The following DOCK1 variants were observed in gnomAD, a reference collection of about 807,000 sequenced individuals.
DOCK1 encodes the protein dedicator of cytokinesis 1.
In DOCK1, 138 loss-of-function variants were observed where a neutral mutation model predicts 262.7. The ratio of observed to expected loss-of-function variants is 0.53; its 90% CI spans 0.46 to 0.61. The LOEUF (loss-of-function observed/expected upper bound fraction) is 0.61. Ranked by LOEUF, DOCK1 falls within the 20% of genes least tolerant of loss-of-function variation. DOCK1 has a pLI of 0.00. For missense variants in DOCK1, 1,908 were observed against 2,370.7 expected, an observed-to-expected ratio of 0.80 and a Z score of 4.05; for synonymous variants, 866 against 867.4, an observed-to-expected ratio of 1.00 and a Z score of 0.03.
chr10:127,127,442 A>G (rs940874870), intron 26 of DOCK1, among the ~76,000 whole-genome samples: 6 of 152,230 alleles, frequency 3.9e-5, no homozygotes, highest in Admixed American at 3.9e-4. Context: ...CTTAAATTAA[A>G]TTACTATGAT....
In DOCK1 at chr10:126,953,259, ATGG is replaced by A. The variant is rs1202314379; in HGVS notation, c.47-17432_47-17430del. Among the ~76,000 whole-genome samples the A allele has an allele frequency of 6.1e-3, 896 of 146,624 alleles. 10 individuals are homozygous for A. Among genetic ancestry groups the A allele is most frequent in the African/African-American group, 0.019 (761 of 39,278 alleles). ...AGTGTTGGTAGTGGTGGTATTGGTG[ATGG>A]TGGTGGTGGTAGTGTTGTGGTGTGG... On this transcript the variant is annotated intron_variant, in intron 1 of 51. Transcript: ENST00000623213.
chr10:127,243,078 G>A (rs969734974), intron 27 of DOCK1, among the ~76,000 whole-genome samples: 15 of 152,128 alleles, frequency 9.9e-5, no homozygotes, highest in Non-Finnish European at 2.1e-4. Context: ...GAGCTCCAGG[G>A]TCGATTGAGA....
At chr10:127,017,019 TATGCA>T (rs1293607428) in intron 12 of DOCK1, among the ~76,000 whole-genome samples, 3 of 45,640 alleles carry the variant, frequency 6.6e-5, no homozygotes, top group Non-Finnish European at 4.2e-5. Context: ...TAAACACAGA[TATGCA>T]GATACAGATA....
intron 19 of DOCK1, among the ~76,000 whole-genome samples, chr10:127,038,976 C>T (rs2043841158): frequency 6.6e-6 from 1 of 152,138 alleles, no homozygotes; most frequent in African/African-American, 2.4e-5. Context: ...GACTCTCCAG[C>T]AAGGTCTGTG....
intron 48 of DOCK1, among the ~76,000 whole-genome samples, chr10:127,434,631 CT>C (rs1289228351): frequency 5.3e-5 from 8 of 152,028 alleles, no homozygotes; most frequent in Admixed American, 2.0e-4. Context: ...CCCCCCACCC[CT>C]GACACCCTGA....
chr10:127,176,484 G>C lies in DOCK1; in HGVS notation c.2847+48720G>C. 3 of 1,104,310 alleles carry C rather than the reference G, an allele frequency of 2.7e-6. No homozygotes were observed. Among genetic ancestry groups the C allele is most frequent in the Non-Finnish European group, 3.9e-6 (3 of 772,308 alleles). 68.4% of individuals were successfully genotyped at this position (1,104,310 alleles called of 1,614,324 possible). On this transcript the variant is annotated intron_variant, in intron 27 of 51. Coordinates refer to ENST00000623213, the MANE Select transcript of DOCK1 (RefSeq NM_001290223.2). This position sits in a 1 kb window ranked among gnomAD's most constrained non-coding sequence, Gnocchi z 4.4. ...GGCCGCACAAACTTTTAGCCACCAC[G>C]ACGACTGCCTGTTTCCTAATTATAT...
At chr10:126,955,463 T>C (rs2036654916) in intron 1 of DOCK1, among the ~76,000 whole-genome samples, 1 of 152,198 alleles carries the variant, frequency 6.6e-6, no homozygotes, top group Admixed American at 6.5e-5. Flanking sequence ...TCATTTTGCC[T>C]TGGGCCGTGA....
At chr10:127,308,069 A>G (rs1271273746) in intron 29 of DOCK1, among the ~76,000 whole-genome samples, 2 of 152,208 alleles carry the variant, frequency 1.3e-5, no homozygotes, top group Admixed American at 6.5e-5. Context: ...TGTTTCTGGC[A>G]GCACCATTGG....
intron 1 of DOCK1, among the ~76,000 whole-genome samples, chr10:126,921,193 C>CT (rs1379916755): frequency 7.1e-5 from 8 of 112,726 alleles, no homozygotes; most frequent in African/African-American, 2.4e-4. Context: ...GAGTAAGACT[C>CT]TATCTCAAAA....
chr10:127,055,728 C>G (rs1261688189), intron 22 of DOCK1, among the ~76,000 whole-genome samples: 1 of 152,220 alleles, frequency 6.6e-6, no homozygotes, highest in Non-Finnish European at 1.5e-5. Context: ...GAGTCAATCT[C>G]TGAGACTTCT....
At chr10:127,441,632 G>T (rs1001926669) in intron 49 of DOCK1, among the ~76,000 whole-genome samples, 1 of 152,090 alleles carries the variant, frequency 6.6e-6, no homozygotes, top group African/African-American at 2.4e-5. Context: ...GGGGAGGTGC[G>T]GGGGAGGAGG....
In DOCK1 at chr10:127,000,738, T is replaced by C. The variant is rs1004253312; in HGVS notation, c.985+431T>C. 20 of 161,548 alleles carry C rather than the reference T, an allele frequency of 1.2e-4. No homozygotes were observed. The Admixed American group carries it at 1.3e-3, about 10-fold the overall frequency. The allele number at this position is 161,548 out of a possible 1,614,324, so 10.0% of individuals were successfully genotyped here. ...TCATGTTGGTGCTCTTCATCCGCCA[T>C]GTTGGTGCTGTTTCTCCGCCATGTT... On this transcript the variant is annotated intron_variant, in intron 10 of 51. Transcript: ENST00000623213.
intron 27 of DOCK1, among the ~76,000 whole-genome samples, chr10:127,145,746 C>A (rs373147232): frequency 1.3e-5 from 2 of 152,194 alleles, no homozygotes; most frequent in Non-Finnish European, 2.9e-5. Flanking sequence ...GCCCGGAACC[C>A]TGGTTTCTAG....
Position 126,995,345 on chromosome 10 carries a change from G to A in DOCK1, c.474-1403G>A, listed in dbSNP as rs551230334. Reference sequence around the variant, plus strand: ...GATCATGCCACTGCACTCCAGCCTGGGCAACACTGAGCACTGGGTGAGCAA... The same window carrying A: ...GATCATGCCACTGCACTCCAGCCTGAGCAACACTGAGCACTGGGTGAGCAA... On this transcript the variant is annotated intron_variant, in intron 6 of 51. Coordinates refer to ENST00000623213, the MANE Select transcript of DOCK1 (RefSeq NM_001290223.2). The surrounding 1 kb of genome is among the most constrained non-coding windows in gnomAD (Gnocchi z 5.8). 1.3e-5 allele frequency among the ~76,000 whole-genome samples: 2 copies of A among 152,292 alleles called. No individual in the cohort carries two copies. Among genetic ancestry groups the A allele is most frequent in the East Asian group, 1.9e-4 (1 of 5,168 alleles).
At chr10:127,247,394 G>A (rs2059467891) in intron 27 of DOCK1, among the ~76,000 whole-genome samples, 1 of 151,904 alleles carries the variant, frequency 6.6e-6, no homozygotes, top group Non-Finnish European at 1.5e-5. Context: ...GTGGAGTTGT[G>A]GTGATTGCCT....
chr10:127,371,132 G>A lies in DOCK1; in HGVS notation c.3433-2649G>A, dbSNP rs116256689. Among the ~76,000 whole-genome samples the A allele has an allele frequency of 2.1e-3, 323 of 152,296 alleles. 2 individuals are homozygous for A. Among genetic ancestry groups the A allele is most frequent in the African/African-American group, 7.1e-3 (295 of 41,558 alleles). ...GTACTATCTCCAATTTAGTGGGACA[G>A]GATCATTTAATTCTGATTATAGTAA... On this transcript the variant is annotated intron_variant, in intron 33 of 51. Transcript: ENST00000623213.
intron 27 of DOCK1, among the ~76,000 whole-genome samples, chr10:127,199,158 C>T (rs1202239527): frequency 6.6e-6 from 1 of 151,926 alleles, no homozygotes; most frequent in Non-Finnish European, 1.5e-5. Flanking sequence ...GATAGACTTG[C>T]AAAGGAGAAA....
At chr10:127,249,975 C>T (rs903975732) in intron 28 of DOCK1, among the ~76,000 whole-genome samples, 1 of 152,154 alleles carries the variant, frequency 6.6e-6, no homozygotes, top group Non-Finnish European at 1.5e-5. Flanking sequence ...TATCCCATGA[C>T]TCTTTGGAAA....
At chr10:127,249,559 T>C (rs1233639788) in intron 28 of DOCK1, among the ~76,000 whole-genome samples, 3 of 152,168 alleles carry the variant, frequency 2.0e-5, no homozygotes, top group Admixed American at 6.5e-5. Flanking sequence ...TAAACCTGGA[T>C]GGTGGAGCCT....
Sources: allele counts gnomAD v4.1 joint callset (sites outside exome capture counted in the v4.1 genomes callset), GRCh38; gene constraint gnomAD v4.1.1; non-coding constraint Gnocchi (gnomAD v3.1); transcripts MANE v1.5; gene names NCBI Gene and HGNC (gene_info 2026-07-23, HGNC 2026-07-21).